SYT16: variants seen among roughly 807,000 people sequenced by gnomAD.
SYT16 encodes synaptotagmin 16, also known as synaptotagmin-16.
A neutral mutation model predicts 61.4 loss-of-function variants in SYT16; 42 were observed. The ratio of observed to expected loss-of-function variants is 0.68; its 90% CI spans 0.53 to 0.89. The LOEUF (loss-of-function observed/expected upper bound fraction) is 0.89, where lower values mean the gene tolerates loss of function less well. Among genes scored for constraint, SYT16 ranks in the 40% least tolerant of loss-of-function variants. The pLI, the probability that SYT16 is intolerant of heterozygous loss-of-function variation, is 0.00. For synonymous variants in SYT16, 314 were observed against 302.3 expected (o/e 1.04, Z -0.40); for missense variants, 804 against 807.3 (o/e 1.00, Z 0.05).
Position 61,977,116 on chromosome 14 carries a change from T to C in SYT16, c.-145+6805T>C, listed in dbSNP as rs141070724. On this transcript the variant is annotated intron_variant, in intron 2 of 7. Coordinates refer to ENST00000683842, the MANE Select transcript of SYT16 (RefSeq NM_001367656.1). ...TGAGACCACCTCAGCCTGGACTTCG[T>C]TGTCCACATCATTATTAGCATTTTG... Among the ~76,000 whole-genome samples, 479 of 152,264 alleles carry C rather than the reference T, an allele frequency of 3.1e-3. 4 individuals carry two copies. Among genetic ancestry groups the C allele is most frequent in the African/African-American group, 0.011 (458 of 41,568 alleles).
chr14:61,830,159 A>AT (rs1431411095), intron 1 of SYT16, among the ~76,000 whole-genome samples: 4 of 152,176 alleles, frequency 2.6e-5, no homozygotes, highest in African/African-American at 4.8e-5. Context: ...TTCTTGGAGC[A>AT]TTTTTATGAT....
chr14:61,844,897 A>C (rs1213892258), intron 1 of SYT16, among the ~76,000 whole-genome samples: 2 of 152,178 alleles, frequency 1.3e-5, no homozygotes, highest in Admixed American at 1.3e-4. Flanking sequence ...CTGGCATTAT[A>C]GAATGAATTT....
At chr14:62,097,942 C>T (rs1297433789) in intron 7 of SYT16, among the ~76,000 whole-genome samples, 1 of 152,194 alleles carries the variant, frequency 6.6e-6, no homozygotes, top group Non-Finnish European at 1.5e-5. Flanking sequence ...AACACAAATC[C>T]ACTCCCTCAT....
chr14:61,949,228 C>T (rs1444494367), intron 1 of SYT16, among the ~76,000 whole-genome samples: 3 of 152,174 alleles, frequency 2.0e-5, no homozygotes, highest in Non-Finnish European at 4.4e-5. Context: ...ATTGACATCT[C>T]CAAGGCAAGA....
chr14:61,876,307 C>T (rs2047489608), intron 1 of SYT16, among the ~76,000 whole-genome samples: 1 of 152,202 alleles, frequency 6.6e-6, no homozygotes, highest in African/African-American at 2.4e-5. Context: ...GATTGAACAG[C>T]TTCCTCGCAC....
intron 2 of SYT16, among the ~76,000 whole-genome samples, chr14:61,979,687 T>C (rs2140557730): frequency 6.6e-6 from 1 of 152,214 alleles, no homozygotes; most frequent in Admixed American, 6.5e-5. Flanking sequence ...ATCGAGATCA[T>C]CCTGGCCAAC....
intron 7 of SYT16, among the ~76,000 whole-genome samples, chr14:62,088,625 A>T (rs2056966200): frequency 1.3e-5 from 2 of 152,208 alleles, no homozygotes; most frequent in African/African-American, 4.8e-5. Flanking sequence ...ATTTTACCTT[A>T]AAAAAGTACT....
chr14:62,021,733 A>G (rs929983510), intron 3 of SYT16, among the ~76,000 whole-genome samples: 3 of 152,136 alleles, frequency 2.0e-5, no homozygotes, highest in African/African-American at 7.2e-5. Flanking sequence ...ATTAGCATCC[A>G]GTGAAGGTGG....
At chr14:61,851,135 C>G (rs1382421564) in intron 1 of SYT16, among the ~76,000 whole-genome samples, 1 of 152,132 alleles carries the variant, frequency 6.6e-6, no homozygotes, top group East Asian at 1.9e-4. Context: ...CATTCAACTC[C>G]CACTTACAAG....
Position 61,970,280 on chromosome 14 carries a change from T to G in SYT16, c.-176T>G, listed in dbSNP as rs757345765. ...AGCATCGAGGGAAAAGAAAGCATTC[T>G]AAAGACAAGACTGGGATTCACAAGG... is the stretch of plus-strand genomic sequence containing the variant. On this transcript the variant is annotated 5_prime_UTR_variant, in exon 2 of 8. Coordinates refer to ENST00000683842, the MANE Select transcript of SYT16 (RefSeq NM_001367656.1). The G allele has an allele frequency of 1.3e-5, 2 of 152,216 alleles. No homozygotes were observed. Among genetic ancestry groups the G allele is most frequent in the Non-Finnish European group, 1.5e-5 (1 of 68,080 alleles). The allele number at this position is 152,216 out of a possible 1,614,324, so 9.4% of individuals were successfully genotyped here.
chr14:62,091,128 C>T (rs2057057767), intron 7 of SYT16, among the ~76,000 whole-genome samples: 1 of 152,212 alleles, frequency 6.6e-6, no homozygotes, highest in South Asian at 2.1e-4. Context: ...TGTTAAAAAA[C>T]CCAGTTACCT....
At chr14:61,985,945 A>T (rs1343550306) in intron 2 of SYT16, among the ~76,000 whole-genome samples, 2 of 152,210 alleles carry the variant, frequency 1.3e-5, no homozygotes, top group African/African-American at 4.8e-5. Context: ...GAGGTGGCTA[A>T]GGGGAGCTCC....
chr14:61,864,805 C>T (rs2047085757), intron 1 of SYT16: 4 of 961,442 alleles, frequency 4.2e-6, no homozygotes, highest in Non-Finnish European at 6.5e-6. Context: ...GCCTGGAGGG[C>T]TAAATCACAG....
Position 61,870,794 on chromosome 14 carries a change from G to A in SYT16, c.-325+57984G>A, listed in dbSNP as rs377429349. Among the ~76,000 whole-genome samples, 211 of 152,138 alleles carry A rather than the reference G, an allele frequency of 1.4e-3. 6 individuals carry two copies. The South Asian group carries it at 0.043, about 31-fold the overall frequency. The stretch of plus-strand genomic sequence containing the variant: ...ATTCATCTCCATAAATTTGACCTAT[G>A]TCTCTTTTTATCTTCCATTTCTGTT... On this transcript the variant is annotated intron_variant, in intron 1 of 7. Coordinates refer to ENST00000683842, the MANE Select transcript of SYT16 (RefSeq NM_001367656.1).
chr14:62,044,582 G>C (rs2054887193), intron 3 of SYT16, among the ~76,000 whole-genome samples: 1 of 152,124 alleles, frequency 6.6e-6, no homozygotes, highest in Non-Finnish European at 1.5e-5. Context: ...TTAGTTTGCT[G>C]AGAATGATGG....
At chr14:61,957,550 T>C (rs376075307) in intron 1 of SYT16, among the ~76,000 whole-genome samples, 37 of 152,164 alleles carry the variant, frequency 2.4e-4, no homozygotes, top group African/African-American at 7.7e-4. Context: ...TTTCTGCATC[T>C]ATTGAGATGA....
rs527866616 is a variant in SYT16, at chr14:62,073,446, G to C, written c.737-1689G>C. 4.2e-3 allele frequency among the ~76,000 whole-genome samples: 632 copies of C among 152,270 alleles called. 10 individuals carry two copies. The highest frequency in any genetic ancestry group is 0.014 in the African/African-American group (601 of 41,566). The stretch of plus-strand genomic sequence containing the variant: ...ATCCTGCTTTATGTTGTAGGTTTTT[G>C]CATGTGGATTTTTCCTTGTTCTGTC... On this transcript the variant is annotated intron_variant, in intron 4 of 7. Coordinates refer to ENST00000683842, the MANE Select transcript of SYT16 (RefSeq NM_001367656.1).
At chr14:61,850,721 A>G (rs990597503) in intron 1 of SYT16, among the ~76,000 whole-genome samples, 1 of 152,090 alleles carries the variant, frequency 6.6e-6, no homozygotes, top group African/African-American at 2.4e-5. Context: ...AATGCCTGTA[A>G]TCTTTCTATT....
rs375505411 is a variant in SYT16, at chr14:62,058,779, GT to G, written c.524-10819del. ...GCTTCCTTGACTTTGATATGTTCAGGTTTTTAAAATTTTGTCGATAGCAAAG... is the reference window on the plus strand; with the variant it reads ...GCTTCCTTGACTTTGATATGTTCAGGTTTTAAAATTTTGTCGATAGCAAAG... On this transcript the variant is annotated intron_variant, in intron 3 of 7. Coordinates refer to ENST00000683842, the MANE Select transcript of SYT16 (RefSeq NM_001367656.1). Among the ~76,000 whole-genome samples the G allele has an allele frequency of 1.1e-4, 16 of 152,206 alleles. No homozygotes were observed. The East Asian group carries it at 2.9e-3, about 28-fold the overall frequency.
Sources: gnomAD v4.1 joint callset for allele counts (sites outside exome capture counted in the v4.1 genomes callset) on GRCh38, gnomAD v4.1.1 for gene constraint, MANE v1.5 for transcripts, NCBI Gene and HGNC (gene_info 2026-07-23, HGNC 2026-07-21) for gene names.